The following RAD51B variants were observed in gnomAD, a reference collection of about 807,000 sequenced individuals.
The protein encoded by RAD51B is DNA repair protein RAD51 homolog 2.
RAD51B carries 38 observed loss-of-function variants against 42.2 expected under a neutral mutation model. That is an observed-to-expected ratio of 0.90 (90% confidence interval 0.70 to 1.18). The LOEUF (loss-of-function observed/expected upper bound fraction) is 1.18. RAD51B is among the 50% of genes most tolerant of loss of function. The pLI, the probability that RAD51B is intolerant of heterozygous loss-of-function variation, is 0.00. For missense variants in RAD51B, 373 were observed against 400.7 expected, an observed-to-expected ratio of 0.93 and a Z score of 0.59; for synonymous variants, 154 against 145.2, an observed-to-expected ratio of 1.06 and a Z score of -0.43.
At chr14:67,978,160 C>T (rs186169639) in intron 7 of RAD51B, among the ~76,000 whole-genome samples, 3 of 152,044 alleles carry the variant, frequency 2.0e-5, no homozygotes, top group African/African-American at 7.2e-5. Flanking sequence ...TTTTGGCTTT[C>T]CTGTGGCTAA....
At chr14:68,092,882 C>T (rs1254160070) in intron 7 of RAD51B, among the ~76,000 whole-genome samples, 1 of 151,566 alleles carries the variant, frequency 6.6e-6, no homozygotes, top group African/African-American at 2.4e-5. Context: ...CCATCAATAC[C>T]TAATTTCTTG....
chr14:67,914,068 C>T (rs1275444816), intron 7 of RAD51B, among the ~76,000 whole-genome samples: 2 of 151,834 alleles, frequency 1.3e-5, no homozygotes, highest in African/African-American at 2.4e-5. Flanking sequence ...CTGCAACCTC[C>T]GCCTCCCATT....
At chr14:68,162,508 G>A (rs1335974494) in intron 7 of RAD51B, among the ~76,000 whole-genome samples, 1 of 152,134 alleles carries the variant, frequency 6.6e-6, no homozygotes, top group East Asian at 1.9e-4. Context: ...CCGAGCTGCC[G>A]GGCGTAGTGG....
intron 9 of RAD51B, among the ~76,000 whole-genome samples, chr14:68,429,315 T>G (rs1177456010): frequency 6.6e-6 from 1 of 152,142 alleles, no homozygotes; most frequent in Admixed American, 6.5e-5. Context: ...TTCTAGATCC[T>G]TGAGGAATCG....
intron 10 of RAD51B, among the ~76,000 whole-genome samples, chr14:68,585,950 C>T (rs902532113): frequency 6.6e-6 from 1 of 152,182 alleles, no homozygotes; most frequent in African/African-American, 2.4e-5. Context: ...TCATTAGCGT[C>T]GCCAAGGCAA....
intron 7 of RAD51B, among the ~76,000 whole-genome samples, chr14:68,125,918 G>A (rs2077750395): frequency 6.6e-6 from 1 of 152,048 alleles, no homozygotes; most frequent in African/African-American, 2.4e-5. Context: ...CGTCCCATAG[G>A]ATCACATGAA....
chr14:68,083,470 C>CG (rs1432242565), intron 7 of RAD51B, among the ~76,000 whole-genome samples: 3 of 152,256 alleles, frequency 2.0e-5, no homozygotes, highest in African/African-American at 7.2e-5. Flanking sequence ...TTTTGATACT[C>CG]GATCACTGGA....
At chr14:67,935,832 A>G (rs2044921167) in intron 7 of RAD51B, among the ~76,000 whole-genome samples, 1 of 152,174 alleles carries the variant, frequency 6.6e-6, no homozygotes, top group African/African-American at 2.4e-5. Context: ...AAAGATGAGT[A>G]TGAGAACTGA....
At chr14:68,015,522 C>G (rs1214899235) in intron 7 of RAD51B, among the ~76,000 whole-genome samples, 1 of 152,188 alleles carries the variant, frequency 6.6e-6, no homozygotes, top group Non-Finnish European at 1.5e-5. Flanking sequence ...GAAGGAGGAG[C>G]AAAGTCATGT....
chr14:68,290,952 G>A (rs577340586), intron 7 of RAD51B, among the ~76,000 whole-genome samples: 3 of 151,722 alleles, frequency 2.0e-5, no homozygotes, highest in East Asian at 3.9e-4. Flanking sequence ...GACTACAGGC[G>A]CCTGCTACTA....
intron 10 of RAD51B, among the ~76,000 whole-genome samples, chr14:68,650,439 G>C (rs969583669): frequency 1.3e-5 from 2 of 152,326 alleles, no homozygotes; most frequent in East Asian, 1.9e-4. Flanking sequence ...CACAGTACCA[G>C]CCTGACACAT....
chr14:67,990,020 G>A (rs1221356061), intron 7 of RAD51B, among the ~76,000 whole-genome samples: 16 of 136,056 alleles, frequency 1.2e-4, no homozygotes, highest in African/African-American at 4.3e-4. Context: ...TTTTTTTGAG[G>A]CAGAGTCTCG....
intron 9 of RAD51B, among the ~76,000 whole-genome samples, chr14:68,433,731 C>G (rs1436302149): frequency 6.6e-6 from 1 of 152,228 alleles, no homozygotes; most frequent in East Asian, 1.9e-4. Flanking sequence ...TCATCTGAAG[C>G]CTTCTTCTCT....
chr14:67,968,691 C>T (rs1319531438), intron 7 of RAD51B, among the ~76,000 whole-genome samples: 1 of 152,182 alleles, frequency 6.6e-6, no homozygotes, highest in African/African-American at 2.4e-5. Flanking sequence ...TCACTATCAG[C>T]ATTTTTGTCA....
chr14:67,882,424 A>G (rs1595056197), intron 5 of RAD51B, among the ~76,000 whole-genome samples: 1 of 152,154 alleles, frequency 6.6e-6, no homozygotes, highest in Non-Finnish European at 1.5e-5. Flanking sequence ...TTTCTCTTCT[A>G]TATCTGTACT....
intron 7 of RAD51B, among the ~76,000 whole-genome samples, chr14:67,945,697 C>T (rs2140192192): frequency 6.6e-6 from 1 of 152,240 alleles, no homozygotes; most frequent in South Asian, 2.1e-4. Context: ...TTTCGAACTC[C>T]TGACCTCAGT....
At chr14:68,344,641 C>G (rs575618277) in intron 8 of RAD51B, among the ~76,000 whole-genome samples, 2 of 114,490 alleles carry the variant, frequency 1.7e-5, no homozygotes, top group African/African-American at 6.7e-5. Flanking sequence ...AGCGAGACTC[C>G]GTCTCAAAAA....
At chr14:68,549,023 A>G (rs75962514) in intron 10 of RAD51B, among the ~76,000 whole-genome samples, 1 of 152,138 alleles carries the variant, frequency 6.6e-6, no homozygotes, top group African/African-American at 2.4e-5. Flanking sequence ...GGGTGTATTC[A>G]GATCCCCAGG....
chr14:68,366,268 A>G (rs929461211), intron 8 of RAD51B, among the ~76,000 whole-genome samples: 2 of 152,234 alleles, frequency 1.3e-5, no homozygotes, highest in Non-Finnish European at 2.9e-5. Flanking sequence ...AACATACCAT[A>G]GACAAATAGC....
Sources: allele counts gnomAD v4.1 joint callset (sites outside exome capture counted in the v4.1 genomes callset), GRCh38; gene constraint gnomAD v4.1.1; transcripts MANE v1.5; gene names NCBI Gene and HGNC (gene_info 2026-07-23, HGNC 2026-07-21).